GLB1L3: variants seen among roughly 807,000 people sequenced by gnomAD.
GLB1L3 encodes beta-galactosidase-1-like protein 3.
A neutral mutation model predicts 89.5 loss-of-function variants in GLB1L3; 89 were observed. The ratio of observed to expected loss-of-function variants is 0.99; its 90% CI spans 0.84 to 1.19. GLB1L3 has a LOEUF of 1.19. GLB1L3 is among the 50% of genes most tolerant of loss of function. The pLI is 0.00. For missense variants in GLB1L3, 812 were observed against 813.3 expected (o/e 1.00, Z 0.02); for synonymous variants, 314 against 312.3 (o/e 1.01, Z -0.06).
chr11:134,276,654 G>C lies in GLB1L3; in HGVS notation c.-87G>C. 1 of 1,226,862 alleles carries C rather than the reference G, an allele frequency of 8.2e-7. No individual in the cohort carries two copies. Among genetic ancestry groups the C allele is most frequent in the Non-Finnish European group, 1.1e-6 (1 of 950,402 alleles). The allele number at this position is 1,226,862 out of a possible 1,614,324, so 76.0% of individuals were successfully genotyped here. The stretch of plus-strand genomic sequence containing the variant: ...CCTGAGCCTGCCCCGCGGAACCGGG[G>C]CTCGAGTCCCGGCCCGAGCGCGGCG... On this transcript the variant is annotated 5_prime_UTR_variant, in exon 1 of 20. Coordinates refer to ENST00000431683, the MANE Select transcript of GLB1L3 (RefSeq NM_001080407.3).
intron 18 of GLB1L3, among the ~76,000 whole-genome samples, chr11:134,316,429 G>A (rs2136234273): frequency 6.6e-6 from 1 of 152,304 alleles, no homozygotes. Context: ...TATAGGAAGA[G>A]ATGAATCATT....
intron 11 of GLB1L3, 92 bp from the exon 12 acceptor site, chr11:134,310,479 C>T: frequency 1.1e-6 from 1 of 891,054 alleles, no homozygotes; most frequent in South Asian, 1.5e-5. Flanking sequence ...TTGTCTCACT[C>T]ACGGTGGCCC....
intron 13 of GLB1L3, 118 bp from the exon 14 acceptor site, chr11:134,312,231 A>G (rs1942766751): frequency 1.7e-6 from 2 of 1,144,174 alleles, no homozygotes; most frequent in South Asian, 1.5e-5. Context: ...CTGTTTCATC[A>G]TTTCCCATTT....
At chr11:134,300,863 C>T (rs1468426667) in intron 9 of GLB1L3, among the ~76,000 whole-genome samples, 1 of 152,230 alleles carries the variant, frequency 6.6e-6, no homozygotes, top group East Asian at 1.9e-4. Context: ...AAGGCTCTGT[C>T]TCCAAGTACA....
At chr11:134,313,854 A>T in intron 16 of GLB1L3, 87 bp from the exon 17 acceptor site, 1 of 842,502 alleles carries the variant, frequency 1.2e-6, no homozygotes, top group Non-Finnish European at 2.0e-6. Context: ...TAAGGCATGT[A>T]CAAGTCTGCA....
chr11:134,294,987 T>A (rs2136156574), intron 9 of GLB1L3, among the ~76,000 whole-genome samples: 1 of 152,366 alleles, frequency 6.6e-6, no homozygotes, highest in South Asian at 2.1e-4. Context: ...ATTGTGAGAT[T>A]ATCATTTTCT....
chr11:134,292,402 C>G, intron 8 of GLB1L3, 189 bp downstream of exon 8: 4 of 521,598 alleles, frequency 7.7e-6, no homozygotes, highest in East Asian at 3.0e-5. Context: ...ACTCACAGCT[C>G]CCTATCTTGG....
intron 10 of GLB1L3, among the ~76,000 whole-genome samples, chr11:134,308,586 T>TCATCAC (rs1463683076): frequency 5.5e-5 from 6 of 108,700 alleles, no homozygotes; most frequent in Admixed American, 2.0e-4. Context: ...ACCATCACCA[T>TCATCAC]CATCACCATC....
intron 3 of GLB1L3, among the ~76,000 whole-genome samples, chr11:134,279,109 G>T (rs1940540003): frequency 1.3e-5 from 2 of 152,056 alleles, no homozygotes; most frequent in Admixed American, 1.3e-4. Flanking sequence ...CTTATAATAA[G>T]CTCATAAAGT....
intron 9 of GLB1L3, among the ~76,000 whole-genome samples, chr11:134,299,876 T>G (rs895015450): frequency 4.6e-5 from 7 of 152,160 alleles, no homozygotes; most frequent in Admixed American, 3.9e-4. Flanking sequence ...CCAAGGATAG[T>G]GCATCCCCTG....
In GLB1L3 at chr11:134,277,398, GT is replaced by G; in HGVS notation, c.99del (p.Phe33LeufsTer24). The G allele has an allele frequency of 6.2e-7, 1 of 1,613,956 alleles. No homozygotes were observed. Among genetic ancestry groups the G allele is most frequent in the Non-Finnish European group, 8.5e-7 (1 of 1,179,894 alleles). ...TTATCTCATCAGGTTTTGCTCCTCG[GT>G]TTAAGCAGGAAGAGAACTTCATGCT... is the stretch of plus-strand genomic sequence containing the variant. ...PFISSGFAPRFKQEENFMLGR... is the reference protein window; with the variant it reads ...PFISSGFAPRXKQEENFMLGR... On this transcript the variant is annotated frameshift_variant, in exon 2 of 20. Coordinates refer to ENST00000431683, the MANE Select transcript of GLB1L3 (RefSeq NM_001080407.3). LOFTEE classifies it high-confidence loss of function.
At position 134,277,824 on chromosome 11, in the gene GLB1L3, G is replaced by A. The variant is rs1313901151; in HGVS notation, c.274G>A (p.Gly92Ser). The change falls in exon 3 of 20, where the codon GGC becomes AGC. Residue 92 changes from glycine to serine, a missense_variant. Gly to Ser is a moderately conservative substitution (Grantham distance 56). Around this residue, in one of 3 missense-constraint regions of GLB1L3, gnomAD observed 191 missense variants for 191.4 expected, o/e 1.00. Transcript: ENST00000431683. ...GGGCCACAAGTTCCTGATCTTCGGG[G>A]GCTCCATCCACTATTTCCGGGTGCC... Reference protein sequence around the residue: ...LEGHKFLIFGGSIHYFRVPRE... With the variant: ...LEGHKFLIFGSSIHYFRVPRE... The A allele has an allele frequency of 6.2e-7, 1 of 1,614,066 alleles. No individual in the cohort carries two copies. Among genetic ancestry groups the A allele is most frequent in the East Asian group, 2.2e-5 (1 of 44,870 alleles).
At chr11:134,290,499 G>A (rs1310316869) in intron 7 of GLB1L3, among the ~76,000 whole-genome samples, 4 of 151,446 alleles carry the variant, frequency 2.6e-5, no homozygotes, top group Non-Finnish European at 5.9e-5. Context: ...CCTGAACCTG[G>A]GAGATGGAGG....
At chr11:134,308,217 T>TGTC (rs1565412420) in intron 10 of GLB1L3, among the ~76,000 whole-genome samples, 1 of 31,532 alleles carries the variant, frequency 3.2e-5, no homozygotes. Context: ...ACCACCACCA[T>TGTC]CACCATCACC....
chr11:134,316,838 G>A (rs1035778078), intron 18 of GLB1L3: 2 of 152,226 alleles, frequency 1.3e-5, no homozygotes, highest in Admixed American at 1.3e-4. Flanking sequence ...AAGGTCACAT[G>A]CTTCACAAGC....
chr11:134,291,476 C>T (rs960135376), intron 7 of GLB1L3, among the ~76,000 whole-genome samples: 1 of 152,098 alleles, frequency 6.6e-6, no homozygotes, highest in Non-Finnish European at 1.5e-5. Flanking sequence ...AAACTCTTGA[C>T]CTCAAATGAT....
rs746566116 is a variant in GLB1L3 at position 134,318,693 on chromosome 11, G to A, written c.1842G>A (p.Gly614=). 3.1e-6 allele frequency: 5 copies of A among 1,613,004 alleles called. No individual in the cohort carries two copies. The highest frequency in any genetic ancestry group is 1.7e-5 in the Admixed American group (1 of 59,934). The change falls in exon 19 of 20, where the codon GGG becomes GGA. Residue 614 remains glycine (G), a synonymous_variant. Transcript: ENST00000431683. ...ACCTTGGGCGATATTGGAATATTGG[G>A]CCTCAGAAAACACTGTACCTTCCTG... ...GRNLGRYWNI[G]PQKTLYLPGV...
intron 6 of GLB1L3, among the ~76,000 whole-genome samples, chr11:134,286,751 TG>T (rs1209685584): frequency 1.1e-4 from 16 of 151,008 alleles, no homozygotes; most frequent in Admixed American, 9.9e-4. Flanking sequence ...CACTCCAGCC[TG>T]GGCGACAGAG....
intron 3 of GLB1L3, among the ~76,000 whole-genome samples, chr11:134,279,364 C>CTTTTTTTTTTTTTTTTTTTTTTTTTTT (rs10577769): frequency 6.5e-5 from 7 of 108,326 alleles, no homozygotes; most frequent in South Asian, 3.4e-4. Context: ...TTTTCTTTTT[C>CTTTTTTTTTTTTTTTTTTTTTTTTTTT]TTTTTTTTTT....
Sources: gnomAD v4.1 joint callset for allele counts (sites outside exome capture counted in the v4.1 genomes callset) on GRCh38, gnomAD v4.1.1 for gene constraint, gnomAD v4.1.1 regional missense constraint, MANE v1.5 for transcripts, NCBI Gene and HGNC (gene_info 2026-07-23, HGNC 2026-07-21) for gene names.